Variants in NFIC observed in about 807,000 individuals in gnomAD.
The protein encoded by NFIC is nuclear factor 1 C-type.
NFIC carries 12 observed loss-of-function variants against 54.4 expected under a neutral mutation model. The observed-to-expected ratio is 0.22, with a 90% CI of 0.14 to 0.36. NFIC has a LOEUF of 0.36. Among genes scored for constraint, NFIC ranks in the 10% least tolerant of loss-of-function variants. The pLI, the probability that NFIC is intolerant of heterozygous loss-of-function variation, is 1.00. For missense variants in NFIC, 575 were observed against 718.2 expected (o/e 0.80, Z 2.28); for synonymous variants, 322 against 319.2 (o/e 1.01, Z -0.09).
At chr19:3,410,231 G>C (rs939776716) in intron 2 of NFIC, among the ~76,000 whole-genome samples, 1 of 152,042 alleles carries the variant, frequency 6.6e-6, no homozygotes, top group Non-Finnish European at 1.5e-5. Flanking sequence ...TAATAGAGAC[G>C]GGGTTTTACC....
Position 3,443,338 on chromosome 19 carries a change from G to A in NFIC, c.959-5676G>A, listed in dbSNP as rs539917061. Among the ~76,000 whole-genome samples, 10 of 151,998 alleles carry A rather than the reference G, an allele frequency of 6.6e-5. No homozygotes were observed. In the South Asian group the frequency reaches 1.7e-3, roughly 25 times the overall value. On this transcript the variant is annotated intron_variant, in intron 6 of 10. Transcript: ENST00000443272. ...TCGAGAGGCTGAGGTTGGGAGGATC[G>A]CTTGAGCCCAGGAGGTCAAGGCTGC...
chr19:3,393,313 C>T (rs1027495678), intron 2 of NFIC, among the ~76,000 whole-genome samples: 1 of 152,186 alleles, frequency 6.6e-6, no homozygotes, highest in East Asian at 1.9e-4. Context: ...GGTCTCAGGG[C>T]AGAAGATCTG....
At chr19:3,423,537 C>T (rs1233755974) in intron 2 of NFIC, among the ~76,000 whole-genome samples, 1 of 152,082 alleles carries the variant, frequency 6.6e-6, no homozygotes, top group Non-Finnish European at 1.5e-5. Flanking sequence ...TGGGGAGGGG[C>T]GTCTGCCTGG....
intron 6 of NFIC, 41 bp from the exon 7 acceptor site, chr19:3,448,973 T>C: frequency 1.3e-6 from 2 of 1,589,246 alleles, no homozygotes; most frequent in South Asian, 2.3e-5. Context: ...GCTCATGGGG[T>C]GTGACCAGCC....
At chr19:3,409,455 C>T (rs1334666190) in intron 2 of NFIC, among the ~76,000 whole-genome samples, 2 of 152,176 alleles carry the variant, frequency 1.3e-5, no homozygotes, top group Non-Finnish European at 2.9e-5. Flanking sequence ...TCTGAGGCTT[C>T]CTCCATGCAC....
In NFIC at chr19:3,435,131, C is replaced by T. The variant is rs778304272; in HGVS notation, c.882C>T (p.Ser294=). The change falls in exon 6 of 11, where the codon AGC becomes AGT. Residue 294 remains serine (S), a synonymous_variant. Coordinates refer to ENST00000443272, the MANE Select transcript of NFIC (RefSeq NM_001245002.2). ...CGATGGAGGAAGACGTGGACACGAG[C>T]CCTGGCGGCGATTACTACACTTCGC... ...SGSMEEDVDT[S]PGGDYYTSPS... is the part of the protein sequence containing the mutation. 5 of 1,606,190 alleles carry T rather than the reference C, an allele frequency of 3.1e-6. No homozygotes were observed. Among genetic ancestry groups the T allele is most frequent in the East Asian group, 4.5e-5 (2 of 44,576 alleles).
At chr19:3,433,389 C>A in intron 3 of NFIC, 129 bp from the exon 4 acceptor site, 2 of 909,338 alleles carry the variant, frequency 2.2e-6, no homozygotes, top group Non-Finnish European at 3.4e-6. Context: ...GTCATTCCCC[C>A]ACAGCACAGG....
intron 6 of NFIC, 50 bp downstream of exon 6, chr19:3,435,257 G>A: frequency 3.4e-6 from 5 of 1,491,526 alleles, no homozygotes; most frequent in Non-Finnish European, 9.0e-7. Flanking sequence ...GAGTCACCGT[G>A]GCGGGAACTA....
rs1235141092 is a variant in NFIC at position 3,382,248 on chromosome 19, G to T, written c.562+5G>T. 6.3e-7 allele frequency: 1 copy of T among 1,598,610 alleles called. No individual in the cohort carries two copies. Among genetic ancestry groups the T allele is most frequent in the Non-Finnish European group, 8.5e-7 (1 of 1,178,100 alleles). On this transcript the variant is annotated splice_donor_5th_base_variant and intron_variant, in intron 2 of 10. Transcript: ENST00000443272. ...CCTACTTCGTGCGTGAGCGAGGTGAGGTGTGGTGGCCTGAGCGGAGCGGCC... is the reference window on the plus strand; with the variant it reads ...CCTACTTCGTGCGTGAGCGAGGTGATGTGTGGTGGCCTGAGCGGAGCGGCC...
chr19:3,435,301 G>A lies in NFIC; in HGVS notation c.958+94G>A, dbSNP rs553013485. 1.9e-3 allele frequency: 2,778 copies of A among 1,433,642 alleles called. 7 individuals are homozygous for A. The highest frequency in any genetic ancestry group is 2.4e-3 in the Non-Finnish European group (2,605 of 1,084,294). 88.8% of individuals were successfully genotyped at this position (1,433,642 alleles called of 1,614,324 possible). ...GGCAGCCACTGCGCGGGCGCCGCGG[G>A]GCAGGAAGCCGGCCTGGAGCCGCGG... On this transcript the variant is annotated intron_variant, in intron 6 of 10. Transcript: ENST00000443272.
At chr19:3,379,997 T>TTTTTG (rs2081174747) in intron 1 of NFIC, among the ~76,000 whole-genome samples, 2 of 150,824 alleles carry the variant, frequency 1.3e-5, no homozygotes, top group South Asian at 4.2e-4. Context: ...CCCTAGTTTT[T>TTTTTG]TTTTGTTTTG....
intron 2 of NFIC, among the ~76,000 whole-genome samples, chr19:3,408,317 G>A (rs2081690221): frequency 6.6e-6 from 1 of 152,100 alleles, no homozygotes; most frequent in African/African-American, 2.4e-5. Flanking sequence ...ATTCAATATG[G>A]CCACTCCGTG....
At chr19:3,404,013 C>G (rs1172109736) in intron 2 of NFIC, among the ~76,000 whole-genome samples, 3 of 151,294 alleles carry the variant, frequency 2.0e-5, no homozygotes, top group South Asian at 2.1e-4. Context: ...TTCTCCACCC[C>G]CCCAGCCCCT....
At chr19:3,364,910 GGAT>G (rs2080862094), upstream of NFIC, among the ~76,000 whole-genome samples, 1 of 152,166 alleles carries the variant, frequency 6.6e-6, no homozygotes, top group South Asian at 2.1e-4. Context: ...ATTGGTATGT[GGAT>G]TTCCAGATAC....
chr19:3,403,805 G>A (rs1399179042), intron 2 of NFIC, among the ~76,000 whole-genome samples: 1 of 152,074 alleles, frequency 6.6e-6, no homozygotes, highest in Non-Finnish European at 1.5e-5. Context: ...GAAGCCGGGA[G>A]GGGCCTCCGC....
intron 1 of NFIC, among the ~76,000 whole-genome samples, chr19:3,380,744 AC>A (rs534925209): frequency 2.3e-4 from 33 of 142,358 alleles, no homozygotes; most frequent in African/African-American, 8.5e-4. Flanking sequence ...TGATCCTCCC[AC>A]CCCAGCCTCC....
At chr19:3,390,959 C>A (rs1194723422) in intron 2 of NFIC, among the ~76,000 whole-genome samples, 1 of 151,960 alleles carries the variant, frequency 6.6e-6, no homozygotes, top group East Asian at 1.9e-4. Context: ...GTTGTACAAC[C>A]CTATGAATAC....
chr19:3,412,364 GCCT>G (rs2081777621), intron 2 of NFIC, among the ~76,000 whole-genome samples: 2 of 152,146 alleles, frequency 1.3e-5, no homozygotes, highest in East Asian at 3.8e-4. Flanking sequence ...CCCCACCTCA[GCCT>G]CCCAAGTAGC....
chr19:3,400,256 A>G (rs2081534774), intron 2 of NFIC, among the ~76,000 whole-genome samples: 1 of 152,088 alleles, frequency 6.6e-6, no homozygotes, highest in Admixed American at 6.6e-5. Context: ...TGGGCGGATC[A>G]TGAGGTCAGG....
Sources: allele counts gnomAD v4.1 joint callset (sites outside exome capture counted in the v4.1 genomes callset), GRCh38; gene constraint gnomAD v4.1.1; transcripts MANE v1.5; gene names NCBI Gene and HGNC (gene_info 2026-07-23, HGNC 2026-07-21).